Variants in CYYR1 observed in about 807,000 individuals in gnomAD.
CYYR1 encodes the protein cysteine and tyrosine-rich protein 1.
A neutral mutation model predicts 15.2 loss-of-function variants in CYYR1; 14 were observed. The ratio of observed to expected loss-of-function variants is 0.92; its 90% CI spans 0.61 to 1.44. The LOEUF (loss-of-function observed/expected upper bound fraction) is 1.44, where lower values mean the gene tolerates loss of function less well. Among genes scored for constraint, CYYR1 ranks in the 40% most tolerant of loss-of-function variants. The pLI, the probability that CYYR1 is intolerant of heterozygous loss-of-function variation, is 0.00. For missense variants in CYYR1, 228 were observed against 209.5 expected (o/e 1.09, Z -0.54); for synonymous variants, 80 against 77.4 (o/e 1.03, Z -0.18).
At chr21:26,569,916 T>C (rs1980904582) in intron 1 of CYYR1, among the ~76,000 whole-genome samples, 1 of 152,240 alleles carries the variant, frequency 6.6e-6, no homozygotes, top group South Asian at 2.1e-4. Flanking sequence ...TGGATCATGT[T>C]ACACACTGGT....
intron 2 of CYYR1, chr21:26,503,688 T>A (rs1445345220): frequency 6.6e-6 from 1 of 152,218 alleles, no homozygotes; most frequent in Non-Finnish European, 1.5e-5. Context: ...ACAGAAATCA[T>A]CAATTTGCTC....
intron 2 of CYYR1, among the ~76,000 whole-genome samples, chr21:26,501,218 A>G (rs1248640578): frequency 6.6e-6 from 1 of 152,158 alleles, no homozygotes; most frequent in Non-Finnish European, 1.5e-5. Flanking sequence ...CATGCCTGCA[A>G]TCCTAGCTAC....
chr21:26,542,974 T>C (rs1255386104), intron 2 of CYYR1, among the ~76,000 whole-genome samples: 3 of 152,212 alleles, frequency 2.0e-5, no homozygotes, highest in African/African-American at 7.2e-5. Context: ...AATGCCTAAA[T>C]GATATATTCA....
intron 2 of CYYR1, among the ~76,000 whole-genome samples, chr21:26,502,378 G>A (rs981083579): frequency 6.6e-6 from 1 of 151,298 alleles, no homozygotes; most frequent in African/African-American, 2.4e-5. Flanking sequence ...AGGACACTCT[G>A]GGAGCGGGCA....
chr21:26,557,010 A>T (rs1162246700), intron 2 of CYYR1, among the ~76,000 whole-genome samples: 1 of 152,174 alleles, frequency 6.6e-6, no homozygotes, highest in Non-Finnish European at 1.5e-5. Context: ...GCCAGTGAGG[A>T]GTAGCAGAAA....
At chr21:26,530,138 C>A (rs181322776) in intron 2 of CYYR1, among the ~76,000 whole-genome samples, 1 of 152,226 alleles carries the variant, frequency 6.6e-6, no homozygotes, top group African/African-American at 2.4e-5. Flanking sequence ...TTTTGCCAGA[C>A]AATTTTGCTT....
chr21:26,483,527 C>T (rs1410823320), intron 2 of CYYR1: 1 of 591,780 alleles, frequency 1.7e-6, no homozygotes, highest in African/African-American at 2.0e-5. Context: ...AGATCTTTTC[C>T]TTGGGGCTAT....
At chr21:26,523,568 A>T (rs771162516) in intron 2 of CYYR1, among the ~76,000 whole-genome samples, 5 of 151,702 alleles carry the variant, frequency 3.3e-5, no homozygotes, top group Non-Finnish European at 5.9e-5. Flanking sequence ...CTACTATCTC[A>T]TTTTCTACCA....
chr21:26,566,340 A>G lies in CYYR1; in HGVS notation c.102T>C (p.Asp34=), dbSNP rs1980617939. The change falls in exon 2 of 4, where the codon GAT becomes GAC. Residue 34 remains aspartate (D), a synonymous_variant. Transcript: ENST00000652641. ...ADDCLAQCGK[D]CKSYCCDGTT... ...TTCCATCACAGCAGTAAGATTTGCA[A>G]TCTTTGCCACACTGAGCAAGGCAAT... 1 of 1,613,842 alleles carries G rather than the reference A, an allele frequency of 6.2e-7. No homozygotes were observed. The highest frequency in any genetic ancestry group is 8.5e-7 in the Non-Finnish European group (1 of 1,179,832).
intron 2 of CYYR1, among the ~76,000 whole-genome samples, chr21:26,558,453 G>T (rs1979960638): frequency 6.6e-6 from 1 of 152,116 alleles, no homozygotes; most frequent in African/African-American, 2.4e-5. Flanking sequence ...CCGTGTAGCT[G>T]TGAATGCAGA....
intron 2 of CYYR1, among the ~76,000 whole-genome samples, chr21:26,562,749 C>A (rs377167166): frequency 3.4e-5 from 5 of 147,816 alleles, no homozygotes; most frequent in Admixed American, 1.4e-4. Context: ...CACACACACA[C>A]ACACACACAC....
At chr21:26,565,232 G>A (rs547386870) in intron 2 of CYYR1, among the ~76,000 whole-genome samples, 50 of 152,266 alleles carry the variant, frequency 3.3e-4, no homozygotes, top group African/African-American at 1.1e-3. Context: ...GAAAGTTTAT[G>A]TGGTGCCAGG....
intron 2 of CYYR1, among the ~76,000 whole-genome samples, chr21:26,536,464 G>A (rs549341126): frequency 6.6e-6 from 1 of 152,262 alleles, no homozygotes; most frequent in East Asian, 1.9e-4. Flanking sequence ...AGGTAAGGCA[G>A]GAACTTCAGA....
chr21:26,541,339 TAAAGAG>T (rs977624235), intron 2 of CYYR1, among the ~76,000 whole-genome samples: 1 of 151,996 alleles, frequency 6.6e-6, no homozygotes, highest in African/African-American at 2.4e-5. Context: ...AAACAAAAGA[TAAAGAG>T]AATCTTGAAA....
At chr21:26,471,391 A>C (rs968238455) in intron 3 of CYYR1, 1 of 152,220 alleles carries the variant, frequency 6.6e-6, no homozygotes, top group East Asian at 1.9e-4. Flanking sequence ...CAAAGCGTTT[A>C]TATTCTGCCA....
chr21:26,485,171 A>G (rs2065233739), intron 2 of CYYR1, among the ~76,000 whole-genome samples: 1 of 152,094 alleles, frequency 6.6e-6, no homozygotes, highest in South Asian at 2.1e-4. Context: ...CAAGGTTTGC[A>G]CATTTTCCTC....
intron 3 of CYYR1, chr21:26,471,420 A>G (rs955276530): frequency 3.9e-5 from 6 of 152,216 alleles, no homozygotes; most frequent in African/African-American, 1.4e-4. Context: ...AAAACTGCTG[A>G]AGGACATTTC....
chr21:26,560,429 G>T (rs185121892), intron 2 of CYYR1, among the ~76,000 whole-genome samples: 256 of 152,038 alleles, frequency 1.7e-3, no homozygotes, highest in African/African-American at 6.0e-3. Context: ...AATGTGTCTT[G>T]CTGATTGCAC....
intron 2 of CYYR1, among the ~76,000 whole-genome samples, chr21:26,507,784 C>A (rs1224081342): frequency 6.6e-6 from 1 of 152,144 alleles, no homozygotes; most frequent in East Asian, 1.9e-4. Flanking sequence ...ACAATAAATG[C>A]CATTTTCTAC....
Sources: gnomAD v4.1 joint callset for allele counts (sites outside exome capture counted in the v4.1 genomes callset) on GRCh38, gnomAD v4.1.1 for gene constraint, MANE v1.5 for transcripts, NCBI Gene and HGNC (gene_info 2026-07-23, HGNC 2026-07-21) for gene names.